The following ITK variants were observed in gnomAD, a reference collection of about 807,000 sequenced individuals.
The protein encoded by ITK is tyrosine-protein kinase ITK/TSK.
Under a neutral mutation model 87.6 loss-of-function variants are expected in ITK, and 45 were observed. That is an observed-to-expected ratio of 0.51 (90% CI 0.40 to 0.66). The LOEUF is 0.66. Ranked by LOEUF, ITK falls within the 30% of genes least tolerant of loss-of-function variation. ITK has a pLI of 0.00. For missense variants in ITK, 605 were observed against 766.3 expected, an observed-to-expected ratio of 0.79 and a Z score of 2.48; for synonymous variants, 303 against 273.6, an observed-to-expected ratio of 1.11 and a Z score of -1.06.
intron 10 of ITK, chr5:157,241,376 T>A (rs947268053): frequency 5.2e-6 from 1 of 192,762 alleles, no homozygotes. Context: ...AATATACAAA[T>A]AGAAAAATAT....
At chr5:157,228,262 A>G (rs769939896) in intron 6 of ITK, 34 bp from the exon 7 acceptor site, 4 of 1,284,492 alleles carry the variant, frequency 3.1e-6, no homozygotes, top group African/African-American at 1.5e-5. Context: ...ACTTAGTTCT[A>G]TGTAAGTCTA....
intron 16 of ITK, 89 bp from the exon 17 acceptor site, chr5:157,252,518 G>A: frequency 1.1e-6 from 1 of 919,972 alleles, no homozygotes. Context: ...AATCCACAGG[G>A]GATGCTGCTA....
intron 6 of ITK, among the ~76,000 whole-genome samples, chr5:157,225,726 C>T (rs1754518110): frequency 6.6e-6 from 1 of 152,162 alleles, no homozygotes; most frequent in Non-Finnish European, 1.5e-5. Flanking sequence ...TTCATGAAGA[C>T]AATTGAGCTA....
At chr5:157,250,978 C>G (rs73302133) in intron 16 of ITK, among the ~76,000 whole-genome samples, 2,769 of 152,300 alleles carry the variant, frequency 0.018, 91 homozygotes, top group African/African-American at 0.064. Flanking sequence ...ATTATGAATA[C>G]AGCTGCTATA....
chr5:157,232,961 G>A (rs964909033), intron 8 of ITK, among the ~76,000 whole-genome samples: 2 of 152,206 alleles, frequency 1.3e-5, no homozygotes, highest in African/African-American at 4.8e-5. Context: ...CATAGCACTT[G>A]TTTTAACTTA....
intron 1 of ITK, among the ~76,000 whole-genome samples, chr5:157,182,965 A>G (rs1013033380): frequency 3.9e-5 from 6 of 152,200 alleles, no homozygotes; most frequent in Non-Finnish European, 2.9e-5. Flanking sequence ...TCTGAGCATT[A>G]TGGAAAATTT....
Position 157,228,298 on chromosome 5 carries a change from A to G in ITK, c.650A>G (p.His217Arg). 6.3e-7 allele frequency: 1 copy of G among 1,588,534 alleles called. No homozygotes were observed. Among genetic ancestry groups the G allele is most frequent in the Non-Finnish European group, 8.6e-7 (1 of 1,156,744 alleles). ...HWWRVQDRNGHEGYVPSSYLV... is the reference protein window; with the variant it reads ...HWWRVQDRNGREGYVPSSYLV... The stretch of plus-strand genomic sequence containing the variant: ...AACATTAATTTTCCTTTTAACAGGC[A>G]TGAAGGATATGTACCAAGCAGTTAT... Residue 217 changes from histidine (H) to arginine (R), a missense_variant and splice_region_variant, in exon 7 of 17, where the codon CAT becomes CGT. His to Arg is a conservative substitution (Grantham distance 29, BLOSUM62 0). This residue lies in a region of ITK where 464 missense variants were observed against 578.0 expected (regional missense o/e 0.80). Coordinates refer to ENST00000422843, the MANE Select transcript of ITK (RefSeq NM_005546.4).
At chr5:157,230,913 C>A (rs1580899108) in intron 7 of ITK, among the ~76,000 whole-genome samples, 1 of 152,328 alleles carries the variant, frequency 6.6e-6, no homozygotes, top group Admixed American at 6.5e-5. Context: ...TTATACTGTG[C>A]ACTTTCAGTT....
chr5:157,203,349 A>G (rs1429056175), intron 1 of ITK, among the ~76,000 whole-genome samples: 1 of 152,212 alleles, frequency 6.6e-6, no homozygotes, highest in Non-Finnish European at 1.5e-5. Context: ...ACTGTGTTCC[A>G]ACCTGACACC....
intron 3 of ITK, 73 bp from the exon 4 acceptor site, chr5:157,214,118 G>T: frequency 8.4e-7 from 1 of 1,194,924 alleles, no homozygotes. Context: ...CTAATCTCGA[G>T]GTGTTATAAA....
chr5:157,201,382 C>T lies in ITK; in HGVS notation c.139-7507C>T, dbSNP rs796774842. On this transcript the variant is annotated intron_variant, in intron 1 of 16. Transcript: ENST00000422843. ...GCATGATCTTGGCTCACTGCAACCT[C>T]CACCTCCTGGGTTCAAGGGATTCTC... Among the ~76,000 whole-genome samples, 7 of 151,378 alleles carry T rather than the reference C, an allele frequency of 4.6e-5. 1 individual carries two copies. The highest frequency in any genetic ancestry group is 1.7e-4 in the African/African-American group (7 of 41,170).
rs1379715240 is a variant in ITK at position 157,247,165 on chromosome 5, G to A, written c.1633+1166G>A. Among the ~76,000 whole-genome samples the A allele has an allele frequency of 2.0e-5, 3 of 152,264 alleles. No individual in the cohort carries two copies. In the East Asian group the frequency reaches 5.8e-4, roughly 29 times the overall value. ...GAGTTTGGCTAGGTAAATCTTTTAGGAGAAGAATGAGTGTTAAAAATCTTC... is the reference window on the plus strand; with the variant it reads ...GAGTTTGGCTAGGTAAATCTTTTAGAAGAAGAATGAGTGTTAAAAATCTTC... On this transcript the variant is annotated intron_variant, in intron 15 of 16. Coordinates refer to ENST00000422843, the MANE Select transcript of ITK (RefSeq NM_005546.4).
chr5:157,244,341 A>G lies in ITK; in HGVS notation c.1312A>G (p.Met438Val). Residue 438 changes from methionine (M) to valine (V), a missense_variant, in exon 13 of 17, where the codon ATG becomes GTG. This residue lies in a region of ITK where 464 missense variants were observed against 578.0 expected (regional missense o/e 0.80). Coordinates refer to ENST00000422843, the MANE Select transcript of ITK (RefSeq NM_005546.4). ...QAPICLVFEF[M>V]EHGCLSDYLR... ...CCCCATCTGCCTGGTGTTTGAGTTC[A>G]TGGAGCACGGCTGCCTGTCAGATTA... The G allele has an allele frequency of 6.2e-7, 1 of 1,614,118 alleles. No homozygotes were observed. Among genetic ancestry groups the G allele is most frequent in the South Asian group, 1.1e-5 (1 of 91,078 alleles).
In ITK at chr5:157,214,501, T is replaced by A. The variant is rs565710712; in HGVS notation, c.454+182T>A. On this transcript the variant is annotated intron_variant, in intron 4 of 16. Transcript: ENST00000422843. ...TGGTGCTTCCATCTCAAAGCTGATG[T>A]CTACAGCTCCTAACCACTTGAAGTG... Among the ~76,000 whole-genome samples, 5 of 152,350 alleles carry A rather than the reference T, an allele frequency of 3.3e-5. No homozygotes were observed. In the East Asian group the frequency reaches 9.6e-4, roughly 29 times the overall value.
intron 1 of ITK, among the ~76,000 whole-genome samples, chr5:157,185,614 G>C (rs1265599944): frequency 1.3e-5 from 2 of 151,892 alleles, no homozygotes. Flanking sequence ...GGGAGGCCTA[G>C]GTGGGCGGAT....
At chr5:157,213,240 G>C (rs1381969621) in intron 3 of ITK, among the ~76,000 whole-genome samples, 1 of 152,164 alleles carries the variant, frequency 6.6e-6, no homozygotes, top group African/African-American at 2.4e-5. Flanking sequence ...AAACCATCAG[G>C]TCTCATGAGA....
At chr5:157,196,566 G>A (rs1753858943) in intron 1 of ITK, among the ~76,000 whole-genome samples, 1 of 152,036 alleles carries the variant, frequency 6.6e-6, no homozygotes, top group African/African-American at 2.4e-5. Flanking sequence ...CATTTTCATT[G>A]TCAAGAGATT....
chr5:157,243,600 A>C (rs1754957676), intron 11 of ITK, 23 bp from the exon 12 acceptor site: 1 of 1,599,740 alleles, frequency 6.3e-7, no homozygotes, highest in African/African-American at 1.3e-5. Context: ...CTGACCCCAG[A>C]GAACTCTCTC....
intron 7 of ITK, among the ~76,000 whole-genome samples, chr5:157,230,102 G>A (rs576660226): frequency 6.6e-6 from 1 of 151,912 alleles, no homozygotes; most frequent in East Asian, 1.9e-4. Context: ...TCATGACTTC[G>A]GTAATTGTAC....
Sources: gnomAD v4.1 joint callset for allele counts (sites outside exome capture counted in the v4.1 genomes callset) on GRCh38, gnomAD v4.1.1 for gene constraint, gnomAD v4.1.1 regional missense constraint, MANE v1.5 for transcripts, NCBI Gene and HGNC (gene_info 2026-07-23, HGNC 2026-07-21) for gene names.